CAMSAP1: variants seen among roughly 807,000 people sequenced by gnomAD.
The protein encoded by CAMSAP1 is calmodulin regulated spectrin associated protein 1.
A neutral mutation model predicts 143.5 loss-of-function variants in CAMSAP1; 58 were observed. The ratio of observed to expected loss-of-function variants is 0.40; its 90% CI spans 0.33 to 0.50. The LOEUF (loss-of-function observed/expected upper bound fraction) is 0.50. Ranked by LOEUF, CAMSAP1 falls within the 20% of genes least tolerant of loss-of-function variation. The pLI is 0.45. For synonymous variants in CAMSAP1, 945 were observed against 859.3 expected, an observed-to-expected ratio of 1.10 and a Z score of -1.74; for missense variants, 1,969 against 2,115.7, an observed-to-expected ratio of 0.93 and a Z score of 1.36.
At chr9:135,903,504 G>T (rs1588516536) in intron 1 of CAMSAP1, among the ~76,000 whole-genome samples, 1 of 152,262 alleles carries the variant, frequency 6.6e-6, no homozygotes, top group South Asian at 2.1e-4. Context: ...GCCTCGCCAA[G>T]GGCAAGCTCT....
chr9:135,823,330 G>A (rs568269062), intron 10 of CAMSAP1, 70 bp from the exon 11 acceptor site: 5 of 1,485,916 alleles, frequency 3.4e-6, no homozygotes, highest in African/African-American at 1.4e-5. Flanking sequence ...GGACCAGGGG[G>A]TGAGAATGCC....
rs1434635928 is a variant in CAMSAP1 at position 135,820,159 on chromosome 9, TGCACA to T, written c.3822+675_3822+679del. Among the ~76,000 whole-genome samples the T allele has an allele frequency of 6.6e-6, 1 of 152,146 alleles. No homozygotes were observed. Among genetic ancestry groups the T allele is most frequent in the Non-Finnish European group, 1.5e-5 (1 of 68,034 alleles). ...AGCCACTGCTCCTAGACTACAGACC[TGCACA>T]GCACATTACTGTACCCAATACTGTA... On this transcript the variant is annotated intron_variant, in intron 11 of 16. Transcript: ENST00000389532. The surrounding 1 kb of genome is among the most constrained non-coding windows in gnomAD (Gnocchi z 4.4).
chr9:135,889,322 T>C (rs1316728191), intron 1 of CAMSAP1, among the ~76,000 whole-genome samples: 1 of 151,818 alleles, frequency 6.6e-6, no homozygotes, highest in Non-Finnish European at 1.5e-5. Flanking sequence ...CCAAATACAA[T>C]ATTGCAAATG....
Position 135,822,596 on chromosome 9 carries a change from C to G in CAMSAP1, c.2065G>C (p.Asp689His). The change falls in exon 11 of 17, where the codon GAT (aspartate) becomes CAT (histidine). Residue 689 changes from aspartate (D) to histidine (H), a missense_variant. By Grantham distance (81) the Asp-to-His change is moderately conservative (BLOSUM62 -1). Transcript: ENST00000389532. This position sits in a 1 kb window ranked among gnomAD's most constrained non-coding sequence, Gnocchi z 6.1. ...GTGGATGGTCCCTGGGGGAACGGAT[C>G]GAATCCGCCAAGGGCCAGAGGCCCA... ...CGGPLALGGF[D>H]PFPQGPSTDG... The G allele has an allele frequency of 1.2e-6, 2 of 1,613,426 alleles. No individual in the cohort carries two copies. Among genetic ancestry groups the G allele is most frequent in the South Asian group, 2.2e-5 (2 of 91,026 alleles).
intron 3 of CAMSAP1, among the ~76,000 whole-genome samples, chr9:135,872,809 G>A (rs1383860301): frequency 3.9e-5 from 6 of 152,136 alleles, no homozygotes; most frequent in Admixed American, 6.5e-5. Flanking sequence ...AACTAATATC[G>A]AAAACTTGAA....
In CAMSAP1 at chr9:135,826,752, G is replaced by A. The variant is rs976885574; in HGVS notation, c.1223+655C>T. 6.6e-6 allele frequency among the ~76,000 whole-genome samples: 1 copy of A among 152,098 alleles called. No homozygotes were observed. The highest frequency in any genetic ancestry group is 1.5e-5 in the Non-Finnish European group (1 of 68,028). ...CTGGCTCCAGGCTGGCATCAGCTGT[G>A]GGTCCTCCTACCACACACAGCACAA... is the stretch of plus-strand genomic sequence containing the variant. On this transcript the variant is annotated intron_variant, in intron 8 of 16. Transcript: ENST00000389532. The surrounding 1 kb of genome is among the most constrained non-coding windows in gnomAD (Gnocchi z 4.4).
At chr9:135,832,462 A>C (rs533350821) in intron 7 of CAMSAP1, among the ~76,000 whole-genome samples, 1 of 152,366 alleles carries the variant, frequency 6.6e-6, no homozygotes, top group East Asian at 1.9e-4. Flanking sequence ...CCAGTACCAT[A>C]ATTAGTGGGG....
At chr9:135,815,493 T>G (rs1835199266) in intron 15 of CAMSAP1, among the ~76,000 whole-genome samples, 1 of 152,132 alleles carries the variant, frequency 6.6e-6, no homozygotes, top group South Asian at 2.1e-4. Flanking sequence ...GTAAATAACT[T>G]GTAAAAAGTC....
In CAMSAP1 at chr9:135,825,946, G is replaced by C. The variant is rs555354286; in HGVS notation, c.1224-1066C>G. Reference sequence around the variant, plus strand: ...GAGAGGGGCTCAAGGCAGGGAGCCCGGGGGGAAGCTGGGCAGAGCAGGAAT... The same window carrying C: ...GAGAGGGGCTCAAGGCAGGGAGCCCCGGGGGAAGCTGGGCAGAGCAGGAAT... On this transcript the variant is annotated intron_variant, in intron 8 of 16. Transcript: ENST00000389532. Among the ~76,000 whole-genome samples the C allele has an allele frequency of 1.3e-3, 196 of 152,276 alleles. 1 individual carries two copies. Among genetic ancestry groups the C allele is most frequent in the African/African-American group, 4.1e-3 (170 of 41,550 alleles).
intron 3 of CAMSAP1, among the ~76,000 whole-genome samples, chr9:135,868,496 T>C (rs1837459830): frequency 6.6e-6 from 1 of 152,148 alleles, no homozygotes; most frequent in Non-Finnish European, 1.5e-5. Context: ...ACTACTTTTT[T>C]CCAGTAATAA....
chr9:135,863,794 T>C (rs1588484587), intron 4 of CAMSAP1, among the ~76,000 whole-genome samples: 1 of 152,278 alleles, frequency 6.6e-6, no homozygotes, highest in Non-Finnish European at 1.5e-5. Context: ...GTACCACGCG[T>C]GCAAACTCCA....
intron 1 of CAMSAP1, among the ~76,000 whole-genome samples, chr9:135,902,162 C>T (rs1838636826): frequency 6.6e-6 from 1 of 152,232 alleles, no homozygotes; most frequent in African/African-American, 2.4e-5. Context: ...TATTTAGTAC[C>T]ACCTAACAGG....
rs540832311 is a variant in CAMSAP1, at chr9:135,824,879, C to T, written c.1225G>A (p.Gly409Arg). The stretch of plus-strand genomic sequence containing the variant: ...GGGCTGAAGGCAGCAGTTCCTTTCC[C>T]GCTAAATGGAAAAAGAATTACAGGG... ...YLHPEEPEYL[G>R]KGTAAFSPSH... Residue 409 changes from glycine (G) to arginine (R), a missense_variant and splice_region_variant, in exon 9 of 17, where the codon GGG (glycine) becomes AGG (arginine). By Grantham distance (125) the Gly-to-Arg change is moderately radical (BLOSUM62 -2). Transcript: ENST00000389532. This position sits in a 1 kb window ranked among gnomAD's most constrained non-coding sequence, Gnocchi z 4.1. 1.3e-5 allele frequency: 21 copies of T among 1,582,432 alleles called. No individual in the cohort carries two copies. Among genetic ancestry groups the T allele is most frequent in the Middle Eastern group, 1.7e-4 (1 of 6,030 alleles).
At position 135,809,948 on chromosome 9, in the gene CAMSAP1, A is replaced by G. The variant is rs575402273; in HGVS notation, c.*1361T>C. On this transcript the variant is annotated 3_prime_UTR_variant, in exon 17 of 17. Transcript: ENST00000389532. The stretch of plus-strand genomic sequence containing the variant: ...CTATCTAAAATTATGTAACAGTTAA[A>G]TTTGTCTCTTTTTCTCCCAATTATT... The G allele has an allele frequency of 6.5e-6, 1 of 152,696 alleles. No homozygotes were observed. Among genetic ancestry groups the G allele is most frequent in the East Asian group, 1.9e-4 (1 of 5,192 alleles). The allele number at this position is 152,696 out of a possible 1,614,324, so 9.5% of individuals were successfully genotyped here.
chr9:135,850,593 G>T, intron 5 of CAMSAP1, 132 bp from the exon 6 acceptor site: 1 of 678,604 alleles, frequency 1.5e-6, no homozygotes. Flanking sequence ...GATGTAGGGA[G>T]TATAGGATGT....
chr9:135,875,005 G>A (rs1837692295), intron 3 of CAMSAP1, among the ~76,000 whole-genome samples: 1 of 152,166 alleles, frequency 6.6e-6, no homozygotes, highest in Non-Finnish European at 1.5e-5. Flanking sequence ...GAGAAGCTGT[G>A]AAGCTGTTAG....
chr9:135,819,571 C>T (rs1290340106), intron 11 of CAMSAP1, among the ~76,000 whole-genome samples: 8 of 150,680 alleles, frequency 5.3e-5, no homozygotes, highest in Non-Finnish European at 1.0e-4. Flanking sequence ...TGGTGGCTCA[C>T]GCCTGTAATC....
rs1458648092 is a variant in CAMSAP1, at chr9:135,850,334, T to C, written c.936A>G (p.Pro312=). The C allele has an allele frequency of 3.1e-6, 5 of 1,610,218 alleles. No individual in the cohort carries two copies. The African/African-American group carries it at 5.4e-5, about 17-fold the overall frequency. The change falls in exon 6 of 17, where the codon CCA becomes CCG. Residue 312 remains proline (P), a synonymous_variant. Transcript: ENST00000389532. ...AATTCGTTATTACCTTCAACACTAA[T>C]GGCGCATACAGCATATCTTCCAAGG... The part of the protein sequence containing the change: ...YLTLEDMLYA[P]LVLKPNVMVF...
rs756195292 is a variant in CAMSAP1, at chr9:135,881,837, T to C, written c.424-43A>G. The C allele has an allele frequency of 1.9e-6, 3 of 1,544,586 alleles. No individual in the cohort carries two copies. The South Asian group carries it at 3.6e-5, about 18-fold the overall frequency. On this transcript the variant is annotated intron_variant, in intron 2 of 16. Transcript: ENST00000389532. ...AGCTATAATCCCTCAAACCCACCCC[T>C]CTTACCAGGTTCTGATGCAGGGAAC...
Sources: allele counts gnomAD v4.1 joint callset (sites outside exome capture counted in the v4.1 genomes callset), GRCh38; gene constraint gnomAD v4.1.1; non-coding constraint Gnocchi (gnomAD v3.1); transcripts MANE v1.5; gene names NCBI Gene and HGNC (gene_info 2026-07-23, HGNC 2026-07-21).